The following MAP3K7 variants were observed in gnomAD, a reference collection of about 807,000 sequenced individuals.
The protein encoded by MAP3K7 is mitogen-activated protein kinase kinase kinase 7.
A neutral mutation model predicts 84.8 loss-of-function variants in MAP3K7; 21 were observed. The observed-to-expected ratio is 0.25, with a 90% confidence interval of 0.18 to 0.36. MAP3K7 has a LOEUF of 0.36. Ranked by LOEUF, MAP3K7 falls within the 10% of genes least tolerant of loss-of-function variation. MAP3K7 has a pLI of 1.00. For missense variants in MAP3K7, 503 were observed against 747.7 expected (o/e 0.67, Z 3.82); for synonymous variants, 241 against 247.7 (o/e 0.97, Z 0.25).
chr6:90,569,912 A>G (rs1025795866), intron 2 of MAP3K7, among the ~76,000 whole-genome samples: 1 of 152,086 alleles, frequency 6.6e-6, no homozygotes, highest in Non-Finnish European at 1.5e-5. Flanking sequence ...CTGCTGGCTC[A>G]TATTCAGTAC....
At chr6:90,542,496 C>T (rs191534833) in intron 12 of MAP3K7, 399 of 985,120 alleles carry the variant, frequency 4.1e-4, no homozygotes, top group Middle Eastern at 3.7e-3. Flanking sequence ...AAAAGAGGAT[C>T]TCCCTGGCTG....
At position 90,544,587 on chromosome 6, in the gene MAP3K7, C is replaced by T. The variant is rs776133610; in HGVS notation, c.1256G>A (p.Gly419Asp). ...KRGHRKTASF[G>D]NILDVPEIVI... ...GATCTCAGGGACATCCAGAATGTTG[C>T]CAAATGAAGCAGTTTTACGGTGGCC... Residue 419 changes from glycine to aspartate, a missense_variant, in exon 12 of 17, where the codon GGC becomes GAC. Coordinates refer to ENST00000369329, the MANE Select transcript of MAP3K7 (RefSeq NM_145331.3). 13 of 1,612,420 alleles carry T rather than the reference C, an allele frequency of 8.1e-6. No individual in the cohort carries two copies. The South Asian group carries it at 1.1e-4, about 14-fold the overall frequency.
Position 90,586,821 on chromosome 6 carries a change from G to A in MAP3K7, c.63C>T (p.Ala21=). 6.2e-7 allele frequency: 1 copy of A among 1,610,874 alleles called. No homozygotes were observed. Among genetic ancestry groups the A allele is most frequent in the East Asian group, 2.3e-5 (1 of 44,292 alleles). Residue 21 remains alanine, a synonymous_variant, in exon 1 of 17, where the codon GCC becomes GCT. Coordinates refer to ENST00000369329, the MANE Select transcript of MAP3K7 (RefSeq NM_145331.3). The part of the protein sequence containing the change: ...SSSSAGEMIE[A]PSQVLNFEEI... ...CTTCAAAGTTGAGGACCTGGGAAGG[G>A]GCTTCGATCATCTCACCGGCCGAAG...
intron 5 of MAP3K7, among the ~76,000 whole-genome samples, chr6:90,559,289 T>C (rs1776432077): frequency 1.3e-5 from 2 of 152,204 alleles, no homozygotes; most frequent in African/African-American, 4.8e-5. Context: ...TTTTAATGCT[T>C]TAACCAGTAT....
chr6:90,536,564 G>A (rs1049625001), intron 12 of MAP3K7, 163 bp from the exon 13 acceptor site: 1 of 589,116 alleles, frequency 1.7e-6, no homozygotes, highest in Non-Finnish European at 3.0e-6. Flanking sequence ...AAAAAAAGAA[G>A]AGAAAGATGT....
chr6:90,566,338 T>G (rs373819963), intron 3 of MAP3K7, among the ~76,000 whole-genome samples: 173 of 152,336 alleles, frequency 1.1e-3, no homozygotes, highest in Non-Finnish European at 1.8e-3. Context: ...AAAATCTCCT[T>G]AAGCTGATAA....
At chr6:90,553,886 G>A (rs1423785789) in intron 6 of MAP3K7, among the ~76,000 whole-genome samples, 1 of 152,088 alleles carries the variant, frequency 6.6e-6, no homozygotes, top group Non-Finnish European at 1.5e-5. Flanking sequence ...TATTTAGACT[G>A]ATACTTTCTC....
At chr6:90,560,518 C>T (rs573095286) in intron 4 of MAP3K7, among the ~76,000 whole-genome samples, 8 of 152,040 alleles carry the variant, frequency 5.3e-5, no homozygotes, top group Admixed American at 3.3e-4. Flanking sequence ...TGTGCCACCA[C>T]GCCCAGCTAA....
chr6:90,560,643 A>G (rs1776481971), intron 4 of MAP3K7, among the ~76,000 whole-genome samples: 1 of 152,226 alleles, frequency 6.6e-6, no homozygotes, highest in South Asian at 2.1e-4. Flanking sequence ...TACAGGAGTG[A>G]GCCACCATGC....
At chr6:90,527,620 CATAT>C (rs1775364227) in intron 13 of MAP3K7, among the ~76,000 whole-genome samples, 1 of 152,056 alleles carries the variant, frequency 6.6e-6, no homozygotes, top group Non-Finnish European at 1.5e-5. Flanking sequence ...GGAAACATGA[CATAT>C]GACAGAACAT....
At chr6:90,572,458 T>C (rs1397500031) in intron 1 of MAP3K7, among the ~76,000 whole-genome samples, 2 of 151,882 alleles carry the variant, frequency 1.3e-5, no homozygotes, top group Non-Finnish European at 2.9e-5. Context: ...ATTCCATTTA[T>C]ACAAAATGTT....
chr6:90,575,081 A>G (rs1033909000), intron 1 of MAP3K7, among the ~76,000 whole-genome samples: 1 of 152,250 alleles, frequency 6.6e-6, no homozygotes, highest in African/African-American at 2.4e-5. Flanking sequence ...TGAGATTATA[A>G]GCACAGTCAA....
intron 5 of MAP3K7, among the ~76,000 whole-genome samples, chr6:90,558,393 A>G (rs886762569): frequency 6.6e-6 from 1 of 152,088 alleles, no homozygotes; most frequent in African/African-American, 2.4e-5. Context: ...TGTATGTCCA[A>G]TTATATATAA....
chr6:90,579,443 T>C (rs1318799096), intron 1 of MAP3K7, among the ~76,000 whole-genome samples: 1 of 152,190 alleles, frequency 6.6e-6, no homozygotes, highest in African/African-American at 2.4e-5. Context: ...GGTTCTGTCC[T>C]TGGCCCTTTT....
intron 1 of MAP3K7, among the ~76,000 whole-genome samples, chr6:90,574,214 G>GT (rs1776997732): frequency 6.6e-6 from 1 of 152,178 alleles, no homozygotes. Flanking sequence ...ACAAAGAACA[G>GT]TAAGTGCTTG....
chr6:90,522,782 C>T (rs1329625298), intron 14 of MAP3K7, among the ~76,000 whole-genome samples: 1 of 152,038 alleles, frequency 6.6e-6, no homozygotes, highest in African/African-American at 2.4e-5. Flanking sequence ...ACTATAAATA[C>T]TTGAGTTGTA....
chr6:90,521,280 G>A (rs892894692), intron 14 of MAP3K7, among the ~76,000 whole-genome samples: 8 of 150,874 alleles, frequency 5.3e-5, no homozygotes, highest in Non-Finnish European at 1.2e-4. Flanking sequence ...GTGTGTGTGT[G>A]TGTGTGTTTC....
intron 2 of MAP3K7, among the ~76,000 whole-genome samples, chr6:90,570,503 A>C (rs1364383867): frequency 6.6e-6 from 1 of 152,168 alleles, no homozygotes; most frequent in East Asian, 1.9e-4. Flanking sequence ...CTAGAGGTTG[A>C]TTCTTTAGAG....
intron 13 of MAP3K7, among the ~76,000 whole-genome samples, chr6:90,531,769 A>G (rs1775512895): frequency 6.6e-6 from 1 of 152,088 alleles, no homozygotes; most frequent in Admixed American, 6.5e-5. Context: ...CCTGGGCAAC[A>G]GGGTGAAACC....
Sources: allele counts gnomAD v4.1 joint callset (sites outside exome capture counted in the v4.1 genomes callset), GRCh38; gene constraint gnomAD v4.1.1; transcripts MANE v1.5; gene names NCBI Gene and HGNC (gene_info 2026-07-23, HGNC 2026-07-21).